The following DCC variants were observed in gnomAD, a reference collection of about 807,000 sequenced individuals.
The protein encoded by DCC is DCC netrin 1 receptor.
In DCC, 58 loss-of-function variants were observed where a neutral mutation model predicts 172.5. The ratio of observed to expected loss-of-function variants is 0.34; its 90% CI spans 0.27 to 0.42. The LOEUF is 0.42. Ranked by LOEUF, DCC falls within the 10% of genes least tolerant of loss-of-function variation. The pLI is 1.00. For missense variants in DCC, 1,740 were observed against 1,791.0 expected (o/e 0.97, Z 0.51); for synonymous variants, 709 against 644.5 (o/e 1.10, Z -1.52).
chr18:52,681,776 G>A (rs1460203), intron 1 of DCC, among the ~76,000 whole-genome samples: 15,828 of 152,044 alleles, frequency 0.1, 1,628 homozygotes, highest in African/African-American at 0.26. Flanking sequence ...TAACACGAGC[G>A]CAGACAATGT....
intron 1 of DCC, among the ~76,000 whole-genome samples, chr18:52,693,487 A>C (rs1030561643): frequency 1.3e-4 from 20 of 148,800 alleles, no homozygotes; most frequent in African/African-American, 4.6e-4. Context: ...ATATAATATA[A>C]TATAACATAA....
chr18:52,368,019 G>A (rs1984955555), intron 1 of DCC, among the ~76,000 whole-genome samples: 1 of 152,222 alleles, frequency 6.6e-6, no homozygotes, highest in African/African-American at 2.4e-5. Context: ...CACAGTAGTT[G>A]TGTGAACTTT....
chr18:52,418,858 C>CTTT (rs11313758), intron 1 of DCC, among the ~76,000 whole-genome samples: 77 of 92,788 alleles, frequency 8.3e-4, no homozygotes, highest in East Asian at 3.1e-3. Context: ...TTCTTTCTTT[C>CTTT]TTTTTTTTTT....
At position 53,212,451 on chromosome 18, in the gene DCC, A is replaced by T. The variant is rs140678655; in HGVS notation, c.1862-3097A>T. On this transcript the variant is annotated intron_variant, in intron 11 of 28. Coordinates refer to ENST00000442544, the MANE Select transcript of DCC (RefSeq NM_005215.4). Reference sequence around the variant, plus strand: ...TCTATCTATCTCCAAATAATATGGAAATTGATAGTGAGAAGGAGGGAGTAG... The same window carrying T: ...TCTATCTATCTCCAAATAATATGGATATTGATAGTGAGAAGGAGGGAGTAG... Among the ~76,000 whole-genome samples the T allele has an allele frequency of 8.1e-4, 123 of 152,222 alleles. 4 individuals carry two copies. The East Asian group carries it at 0.022, about 27-fold the overall frequency.
chr18:52,800,225 T>TC (rs2037958996), intron 2 of DCC, among the ~76,000 whole-genome samples: 1 of 152,096 alleles, frequency 6.6e-6, no homozygotes, highest in South Asian at 2.1e-4. Context: ...GTCAAAGTGT[T>TC]CCCCAGCTAA....
At chr18:52,789,686 T>TTG (rs2037723958) in intron 2 of DCC, among the ~76,000 whole-genome samples, 1 of 152,126 alleles carries the variant, frequency 6.6e-6, no homozygotes, top group African/African-American at 2.4e-5. Flanking sequence ...TAAGCAGCTT[T>TTG]TGAAACTGTC....
intron 1 of DCC, among the ~76,000 whole-genome samples, chr18:52,733,413 G>A (rs575517945): frequency 2.0e-5 from 3 of 152,210 alleles, no homozygotes; most frequent in Non-Finnish European, 2.9e-5. Context: ...GTCTCAGTTC[G>A]TTTTCAGCTG....
intron 12 of DCC, among the ~76,000 whole-genome samples, chr18:53,265,971 C>G (rs146654578): frequency 1.3e-5 from 2 of 152,248 alleles, no homozygotes; most frequent in African/African-American, 4.8e-5. Context: ...CTGGCATTCT[C>G]TCTTGAGCTC....
chr18:52,849,264 A>G (rs995683678), intron 2 of DCC, among the ~76,000 whole-genome samples: 1 of 152,152 alleles, frequency 6.6e-6, no homozygotes, highest in African/African-American at 2.4e-5. Flanking sequence ...TGCTGTTTCC[A>G]TCTGCCCTAG....
chr18:53,118,213 T>C (rs1425383107), intron 7 of DCC, among the ~76,000 whole-genome samples: 1 of 151,864 alleles, frequency 6.6e-6, no homozygotes, highest in African/African-American at 2.4e-5. Flanking sequence ...TGATTATTAT[T>C]ACTTTTTTCT....
chr18:52,883,350 A>ATGTGTGTGTGTG (rs1172759213), intron 2 of DCC, among the ~76,000 whole-genome samples: 4 of 34,106 alleles, frequency 1.2e-4, no homozygotes, highest in African/African-American at 3.0e-4. Context: ...TTATTTATTT[A>ATGTGTGTGTGTG]TGTGTGTGTG....
intron 8 of DCC, among the ~76,000 whole-genome samples, chr18:53,164,780 A>C (rs1439525583): frequency 1.3e-5 from 2 of 152,170 alleles, no homozygotes; most frequent in Admixed American, 6.6e-5. Flanking sequence ...ACTGAAATAC[A>C]AGGGTGTTTC....
chr18:53,042,741 A>G (rs960438926), intron 5 of DCC, among the ~76,000 whole-genome samples: 3 of 152,038 alleles, frequency 2.0e-5, no homozygotes, highest in African/African-American at 7.2e-5. Context: ...CAGAAATGCA[A>G]ATCAAAACTA....
At chr18:52,562,416 A>G (rs1598915121) in intron 1 of DCC, among the ~76,000 whole-genome samples, 1 of 152,152 alleles carries the variant, frequency 6.6e-6, no homozygotes. Flanking sequence ...CTTACTTTAT[A>G]TATAAAGGGA....
chr18:52,857,724 C>G (rs2039076122), intron 2 of DCC, among the ~76,000 whole-genome samples: 1 of 152,018 alleles, frequency 6.6e-6, no homozygotes, highest in South Asian at 2.1e-4. Context: ...ATTGGCCAAC[C>G]CTTCCAATCA....
intron 19 of DCC, among the ~76,000 whole-genome samples, chr18:53,405,489 G>A (rs1333612292): frequency 6.6e-6 from 1 of 152,154 alleles, no homozygotes; most frequent in Non-Finnish European, 1.5e-5. Context: ...CTGATACCCA[G>A]TGGGCACTGA....
chr18:52,752,413 T>A (rs972817930), intron 2 of DCC, 39 bp downstream of exon 2: 1 of 1,447,592 alleles, frequency 6.9e-7, no homozygotes, highest in Non-Finnish European at 9.7e-7. Flanking sequence ...TCCTCCTTCC[T>A]CTCTTCTTCT....
chr18:53,355,250 C>A (rs1189984913), intron 15 of DCC, among the ~76,000 whole-genome samples: 1 of 151,660 alleles, frequency 6.6e-6, no homozygotes, highest in Non-Finnish European at 1.5e-5. Context: ...ATTGACTTGG[C>A]AATGCGGGCT....
At chr18:53,296,489 G>C (rs943066934) in intron 12 of DCC, among the ~76,000 whole-genome samples, 3 of 152,136 alleles carry the variant, frequency 2.0e-5, no homozygotes, top group Non-Finnish European at 4.4e-5. Context: ...GTCTCTGAAG[G>C]CTTATGTTGC....
Sources: gnomAD v4.1 joint callset for allele counts (sites outside exome capture counted in the v4.1 genomes callset) on GRCh38, gnomAD v4.1.1 for gene constraint, MANE v1.5 for transcripts, NCBI Gene and HGNC (gene_info 2026-07-23, HGNC 2026-07-21) for gene names.